The following EYS variants were observed in gnomAD, a reference collection of about 807,000 sequenced individuals.
EYS encodes EGF-like photoreceptor maintenance factor, also known as protein eyes shut homolog.
EYS carries 250 observed loss-of-function variants against 282.1 expected under a neutral mutation model. The observed-to-expected ratio is 0.89, with a 90% CI of 0.80 to 0.98. EYS has a LOEUF of 0.98. Among genes scored for constraint, EYS ranks in the 50% least tolerant of loss-of-function variants. EYS has a pLI of 0.00. For missense variants in EYS, 4,016 were observed against 3,709.0 expected (o/e 1.08, Z -2.15); for synonymous variants, 1,355 against 1,282.9 (o/e 1.06, Z -1.20).
At chr6:64,427,023 T>C (rs2150456743) in intron 28 of EYS, among the ~76,000 whole-genome samples, 1 of 152,304 alleles carries the variant, frequency 6.6e-6, no homozygotes, top group East Asian at 1.9e-4. Flanking sequence ...TCTCAGCTTT[T>C]TGGCTATCAA....
At chr6:64,985,805 G>A (rs1770841083) in intron 14 of EYS, among the ~76,000 whole-genome samples, 1 of 151,422 alleles carries the variant, frequency 6.6e-6, no homozygotes, top group Non-Finnish European at 1.5e-5. Flanking sequence ...CGGAGAAAGT[G>A]TAGAGTAAGT....
Position 64,591,247 on chromosome 6 carries a change from G to A in EYS, c.4620C>T (p.Asn1540=). ...AAGAATCAGCAGCCTGTGATTTGAT[G>A]TTTGTGAGTCTCTGGTTGCTTGAAG... ...TEASSNQRLT[N]IKSQAADSLR... is the part of the protein sequence containing the mutation. The change falls in exon 26 of 43, where the codon AAC becomes AAT. Residue 1540 remains asparagine, a synonymous_variant. Transcript: ENST00000503581. The A allele has an allele frequency of 6.4e-7, 1 of 1,551,450 alleles. No homozygotes were observed. Among genetic ancestry groups the A allele is most frequent in the Non-Finnish European group, 8.7e-7 (1 of 1,146,824 alleles).
chr6:64,668,156 A>T (rs1455195903), intron 22 of EYS, among the ~76,000 whole-genome samples: 1 of 152,224 alleles, frequency 6.6e-6, no homozygotes, highest in Non-Finnish European at 1.5e-5. Context: ...TATAGTTAAT[A>T]CAGACAATAA....
At chr6:64,517,003 G>T (rs1323243415) in intron 26 of EYS, among the ~76,000 whole-genome samples, 1 of 151,628 alleles carries the variant, frequency 6.6e-6, no homozygotes, top group East Asian at 1.9e-4. Context: ...CTTAATACTA[G>T]CACAGCATAA....
intron 12 of EYS, among the ~76,000 whole-genome samples, chr6:65,198,073 T>C (rs1372485371): frequency 2.0e-5 from 3 of 152,148 alleles, no homozygotes; most frequent in Non-Finnish European, 4.4e-5. Context: ...ATATTTAATT[T>C]ATTTATATAG....
intron 19 of EYS, among the ~76,000 whole-genome samples, chr6:64,827,493 TAGTC>T (rs1359953387): frequency 6.6e-6 from 1 of 151,890 alleles, no homozygotes; most frequent in Non-Finnish European, 1.5e-5. Flanking sequence ...ATGATCAAAA[TAGTC>T]AGCTTAACTA....
intron 11 of EYS, chr6:65,331,178 A>C (rs1582148724): frequency 4.7e-6 from 4 of 853,562 alleles, no homozygotes; most frequent in Admixed American, 6.3e-5. Flanking sequence ...ATTAGTTTCT[A>C]AAATAACTTG....
Position 64,914,837 on chromosome 6 carries a change from G to A in EYS, c.2382-2094C>T, listed in dbSNP as rs969353454. Among the ~76,000 whole-genome samples the A allele has an allele frequency of 3.9e-5, 6 of 152,028 alleles. No homozygotes were observed. In the East Asian group the frequency reaches 1.2e-3, roughly 29 times the overall value. ...TTTTTTAATTGGCTGTGGGTAGAAAGTAATTGCTATCATGATAATTGCACA... is the reference window on the plus strand; with the variant it reads ...TTTTTTAATTGGCTGTGGGTAGAAAATAATTGCTATCATGATAATTGCACA... On this transcript the variant is annotated intron_variant, in intron 15 of 42. Coordinates refer to ENST00000503581, the MANE Select transcript of EYS (RefSeq NM_001142800.2).
At chr6:65,627,937 G>A (rs183089808) in intron 2 of EYS, among the ~76,000 whole-genome samples, 289 of 152,354 alleles carry the variant, frequency 1.9e-3, no homozygotes, top group African/African-American at 5.7e-3. Context: ...AGCGCACGGC[G>A]CAGGACTGGC....
intron 30 of EYS, among the ~76,000 whole-genome samples, chr6:64,298,312 AATAAT>A (rs1410728470): frequency 4.7e-5 from 7 of 148,680 alleles, no homozygotes; most frequent in African/African-American, 9.9e-5. Flanking sequence ...TTGTTTTCTA[AATAAT>A]TTAAAAGACT....
At chr6:64,457,040 G>A (rs916959924) in intron 26 of EYS, among the ~76,000 whole-genome samples, 1 of 151,814 alleles carries the variant, frequency 6.6e-6, no homozygotes, top group South Asian at 2.1e-4. Flanking sequence ...CTGCTTTTGA[G>A]GTAACCCATA....
chr6:64,644,152 T>A lies in EYS; in HGVS notation c.3444-17907A>T, dbSNP rs997894993. On this transcript the variant is annotated intron_variant, in intron 22 of 42. Coordinates refer to ENST00000503581, the MANE Select transcript of EYS (RefSeq NM_001142800.2). ...AATTTTCCCCACCATATGTATACAG[T>A]CTACCTTTCAGTAAAGTCATTATAT... Among the ~76,000 whole-genome samples the A allele has an allele frequency of 7.0e-4, 107 of 152,170 alleles. 1 individual carries two copies. Among genetic ancestry groups the A allele is most frequent in the African/African-American group, 2.5e-3 (104 of 41,434 alleles).
At chr6:64,177,610 C>A (rs961386699) in intron 31 of EYS, among the ~76,000 whole-genome samples, 4 of 151,922 alleles carry the variant, frequency 2.6e-5, no homozygotes, top group African/African-American at 9.7e-5. Flanking sequence ...TTTGGTTATC[C>A]TCATCAAATA....
chr6:65,507,670 T>C lies in EYS; in HGVS notation c.-332-11677A>G, dbSNP rs11965593. On this transcript the variant is annotated intron_variant, in intron 2 of 42. Transcript: ENST00000503581. ...TTTTAGTTTGGGAAATTTCTGTTGA[T>C]ATATTTTCAAGCCCACTGATCTTTC... is the stretch of plus-strand genomic sequence containing the variant. 3.8e-3 allele frequency among the ~76,000 whole-genome samples: 586 copies of C among 152,260 alleles called. 6 individuals are homozygous for C. The highest frequency in any genetic ancestry group is 0.013 in the African/African-American group (552 of 41,574).
chr6:63,879,196 A>T (rs1282317973), intron 35 of EYS, among the ~76,000 whole-genome samples: 1 of 152,160 alleles, frequency 6.6e-6, no homozygotes, highest in Admixed American at 6.5e-5. Context: ...GAATATATAA[A>T]TTTAGAAAGT....
At chr6:64,480,909 T>C (rs1776417578) in intron 26 of EYS, among the ~76,000 whole-genome samples, 1 of 151,726 alleles carries the variant, frequency 6.6e-6, no homozygotes, top group African/African-American at 2.4e-5. Flanking sequence ...GTTACACTGA[T>C]TATTGTCATC....
chr6:63,917,331 A>G (rs542982738), intron 35 of EYS, among the ~76,000 whole-genome samples: 2 of 152,222 alleles, frequency 1.3e-5, no homozygotes, highest in African/African-American at 2.4e-5. Flanking sequence ...AAGCTACATA[A>G]TCTGCTCTCA....
intron 35 of EYS, among the ~76,000 whole-genome samples, chr6:63,927,019 T>TC (rs1764735862): frequency 6.6e-6 from 1 of 152,170 alleles, no homozygotes; most frequent in Non-Finnish European, 1.5e-5. Flanking sequence ...TGGGTGGGTG[T>TC]CGTTATGCTC....
Position 64,335,296 on chromosome 6 carries a change from C to T in EYS, c.6079-28214G>A, listed in dbSNP as rs566235048. 5.8e-5 allele frequency among the ~76,000 whole-genome samples: 8 copies of T among 138,364 alleles called. No individual in the cohort carries two copies. The South Asian group carries it at 2.1e-3, about 37-fold the overall frequency. 90.8% of individuals were successfully genotyped at this position (138,364 alleles called of 152,430 possible). On this transcript the variant is annotated intron_variant, in intron 29 of 42. Transcript: ENST00000503581. ...CAAGTTAAAAGAGAATATTAACAGC[C>T]TATCTTCTCTCTGCGGTCAGTAGAC...
Sources: gnomAD v4.1 joint callset for allele counts (sites outside exome capture counted in the v4.1 genomes callset) on GRCh38, gnomAD v4.1.1 for gene constraint, MANE v1.5 for transcripts, NCBI Gene and HGNC (gene_info 2026-07-23, HGNC 2026-07-21) for gene names.